The following TMC1 variants were observed in gnomAD, a reference collection of about 807,000 sequenced individuals.
The protein encoded by TMC1 is transmembrane channel like 1, also known as transmembrane channel-like protein 1.
In TMC1, 84 loss-of-function variants were observed where a neutral mutation model predicts 105.8. That is an observed-to-expected ratio of 0.79 (90% confidence interval 0.67 to 0.95). TMC1 has a LOEUF of 0.95. TMC1 is among the 40% of genes least tolerant of loss of function. The pLI is 0.00. For missense variants in TMC1, 817 were observed against 914.1 expected, an observed-to-expected ratio of 0.89 and a Z score of 1.37; for synonymous variants, 315 against 311.5, an observed-to-expected ratio of 1.01 and a Z score of -0.12.
At chr9:72,775,078 A>G (rs1827985862) in intron 13 of TMC1, among the ~76,000 whole-genome samples, 1 of 152,178 alleles carries the variant, frequency 6.6e-6, no homozygotes, top group South Asian at 2.1e-4. Flanking sequence ...ATCCAAGAAA[A>G]TAGTTTGAAA....
chr9:72,578,621 C>T (rs1824427552), intron 2 of TMC1, among the ~76,000 whole-genome samples: 1 of 152,114 alleles, frequency 6.6e-6, no homozygotes, highest in Admixed American at 6.6e-5. Flanking sequence ...AGTGTGTGTG[C>T]TCTGACGAGC....
At chr9:72,821,633 T>C (rs1828874728) in intron 20 of TMC1, among the ~76,000 whole-genome samples, 1 of 152,250 alleles carries the variant, frequency 6.6e-6, no homozygotes, top group African/African-American at 2.4e-5. Flanking sequence ...TTTATACTTT[T>C]CCAGGCTCTG....
intron 12 of TMC1, among the ~76,000 whole-genome samples, chr9:72,758,203 AG>A (rs1372812087): frequency 5.3e-5 from 8 of 152,216 alleles, no homozygotes; most frequent in Admixed American, 5.2e-4. Flanking sequence ...CAGGAAAGAT[AG>A]GTTGATTCAT....
intron 8 of TMC1, among the ~76,000 whole-genome samples, chr9:72,703,033 A>T (rs901616050): frequency 1.3e-5 from 2 of 152,034 alleles, no homozygotes; most frequent in African/African-American, 4.8e-5. Flanking sequence ...TATTTTTTTT[A>T]ACCGTGGCAA....
chr9:72,762,721 G>A (rs1455651668), intron 12 of TMC1, among the ~76,000 whole-genome samples: 1 of 152,128 alleles, frequency 6.6e-6, no homozygotes, highest in African/African-American at 2.4e-5. Context: ...CTCATCTGTG[G>A]ATGTAGTGAG....
intron 2 of TMC1, among the ~76,000 whole-genome samples, chr9:72,590,970 G>A (rs759778324): frequency 9.2e-5 from 14 of 152,108 alleles, no homozygotes; most frequent in Non-Finnish European, 1.8e-4. Context: ...TGAGATCCGC[G>A]GAATAAGTGA....
intron 2 of TMC1, among the ~76,000 whole-genome samples, chr9:72,589,068 C>A (rs775391934): frequency 6.6e-6 from 1 of 152,122 alleles, no homozygotes; most frequent in Non-Finnish European, 1.5e-5. Context: ...CCATGCCAGG[C>A]CAGAAAAACA....
intron 5 of TMC1, 124 bp from the exon 6 acceptor site, chr9:72,688,585 G>C: frequency 1.1e-6 from 1 of 907,122 alleles, no homozygotes; most frequent in East Asian, 2.6e-5. Context: ...ATTTTGGCAA[G>C]TTTATGGAAA....
At chr9:72,585,477 CA>C (rs2132102122) in intron 2 of TMC1, among the ~76,000 whole-genome samples, 1 of 151,770 alleles carries the variant, frequency 6.6e-6, no homozygotes, top group South Asian at 2.1e-4. Flanking sequence ...TTGACAACCA[CA>C]ATGAAGAGAG....
At chr9:72,623,131 T>TTC (rs10583996) in intron 3 of TMC1, among the ~76,000 whole-genome samples, 3 of 136,538 alleles carry the variant, frequency 2.2e-5, no homozygotes, top group Admixed American at 8.0e-5. Context: ...TTTATTTGTC[T>TTC]TCTCTCTCTC....
chr9:72,713,041 T>G (rs1826860871), intron 8 of TMC1, among the ~76,000 whole-genome samples: 1 of 152,214 alleles, frequency 6.6e-6, no homozygotes, highest in South Asian at 2.1e-4. Context: ...TCATGTGGTT[T>G]TTGTGATTGG....
Position 72,788,294 on chromosome 9 carries a change from A to G in TMC1, c.885-45A>G, listed in dbSNP as rs757280132. On this transcript the variant is annotated intron_variant, in intron 13 of 23. Coordinates refer to ENST00000297784, the MANE Select transcript of TMC1 (RefSeq NM_138691.3). Reference sequence around the variant, plus strand: ...ATCATGTTTTGTTGCTATTTCCCCTATCTCATTTTTTCTGGCTGCTGGGTT... The same window carrying G: ...ATCATGTTTTGTTGCTATTTCCCCTGTCTCATTTTTTCTGGCTGCTGGGTT... The G allele has an allele frequency of 8.1e-6, 13 of 1,610,842 alleles. No homozygotes were observed. The African/African-American group carries it at 9.4e-5, about 12-fold the overall frequency.
chr9:72,752,868 C>T (rs539860562), intron 11 of TMC1, among the ~76,000 whole-genome samples: 1 of 152,076 alleles, frequency 6.6e-6, no homozygotes, highest in Non-Finnish European at 1.5e-5. Context: ...AATAATAATG[C>T]TTTACATTCA....
intron 2 of TMC1, among the ~76,000 whole-genome samples, chr9:72,588,054 G>T (rs951149759): frequency 2.0e-5 from 3 of 152,104 alleles, no homozygotes; most frequent in Non-Finnish European, 2.9e-5. Context: ...CTTCCAAAGT[G>T]CTGGGATTAC....
chr9:72,609,964 C>T (rs1332659178), intron 2 of TMC1, among the ~76,000 whole-genome samples: 1 of 152,090 alleles, frequency 6.6e-6, no homozygotes, highest in African/African-American at 2.4e-5. Context: ...TTGTCTTGTA[C>T]ATTTCTATTA....
intron 5 of TMC1, among the ~76,000 whole-genome samples, chr9:72,652,370 G>A (rs1416429879): frequency 6.6e-6 from 1 of 152,152 alleles, no homozygotes; most frequent in Non-Finnish European, 1.5e-5. Context: ...CTAAAATCAC[G>A]TGGCTTCCTA....
chr9:72,529,667 G>GT lies in TMC1; in HGVS notation c.-428+7767dup, dbSNP rs572049643. The stretch of plus-strand genomic sequence containing the variant: ...CTCAAGTGTGCTTTCTTGTTTCTCT[G>GT]TTTTTTTTTTTTTCCTATTTCATTC... On this transcript the variant is annotated intron_variant, in intron 1 of 23. Transcript: ENST00000297784. Among the ~76,000 whole-genome samples the GT allele has an allele frequency of 8.2e-3, 1,165 of 141,626 alleles. 6 individuals carry two copies. The highest frequency in any genetic ancestry group is 0.032 in the South Asian group (145 of 4,484). The allele number at this position is 141,626 out of a possible 152,430, so 92.9% of individuals were successfully genotyped here.
intron 10 of TMC1, among the ~76,000 whole-genome samples, chr9:72,750,198 G>A (rs1827560247): frequency 6.6e-6 from 1 of 152,174 alleles, no homozygotes. Flanking sequence ...GTAGAGGCTG[G>A]AATTTGCTAC....
chr9:72,792,035 T>A lies in TMC1; in HGVS notation c.1374T>A (p.Ile458=), dbSNP rs1203850650. The change falls in exon 16 of 24, where the codon ATT becomes ATA. Residue 458 remains isoleucine (I), a synonymous_variant. Transcript: ENST00000297784. The stretch of plus-strand genomic sequence containing the variant: ...TTTTAGGCAATTTATACGTATTTAT[T>A]CTTGCATTAATGGATGAGATTAACA... ...ALLLGNLYVF[I]LALMDEINNK... 5 of 1,614,074 alleles carry A rather than the reference T, an allele frequency of 3.1e-6. No homozygotes were observed. In the African/African-American group the frequency reaches 6.7e-5, roughly 22 times the overall value.
Sources: allele counts gnomAD v4.1 joint callset (sites outside exome capture counted in the v4.1 genomes callset), GRCh38; gene constraint gnomAD v4.1.1; transcripts MANE v1.5; gene names NCBI Gene and HGNC (gene_info 2026-07-23, HGNC 2026-07-21).